MFHAS1: variants seen among roughly 807,000 people sequenced by gnomAD.
MFHAS1 encodes malignant fibrous histiocytoma-amplified sequence 1.
In MFHAS1, 50 loss-of-function variants were observed where a neutral mutation model predicts 70.4. The observed-to-expected ratio is 0.71, with a 90% CI of 0.57 to 0.90. MFHAS1 has a LOEUF of 0.90. Among genes scored for constraint, MFHAS1 ranks in the 40% least tolerant of loss-of-function variants. The probability of loss-of-function intolerance (pLI) is 0.00; values close to 1 mark genes in which losing one functional copy is unlikely to be tolerated. For synonymous variants in MFHAS1, 952 were observed against 620.0 expected, an observed-to-expected ratio of 1.54 and a Z score of -7.96; for missense variants, 1,795 against 1,347.6, an observed-to-expected ratio of 1.33 and a Z score of -5.20.
intron 1 of MFHAS1, among the ~76,000 whole-genome samples, chr8:8,886,014 A>C (rs1809739551): frequency 6.6e-6 from 1 of 152,206 alleles, no homozygotes; most frequent in African/African-American, 2.4e-5. Context: ...TTTCCAAAAG[A>C]ATCTCCTGTC....
Position 8,890,832 on chromosome 8 carries a change from T to A in MFHAS1, c.2227A>T (p.Arg743Trp), listed in dbSNP as rs1809983273. 2 of 1,614,208 alleles carry A rather than the reference T, an allele frequency of 1.2e-6. No individual in the cohort carries two copies. The highest frequency in any genetic ancestry group is 1.7e-6 in the Non-Finnish European group (2 of 1,180,036). ...TTATGCAGCAGCAAAGAGGGATCCCTCTGGAAGAAGACATTGAGGATGTCG... is the reference window on the plus strand; with the variant it reads ...TTATGCAGCAGCAAAGAGGGATCCCACTGGAAGAAGACATTGAGGATGTCG... ...LIDILNVFFQ[R>W]DPSLLLHKLL... The change falls in exon 1 of 3, where the codon AGG (arginine) becomes TGG (tryptophan). Residue 743 changes from arginine (R) to tryptophan (W), a missense_variant. Physicochemically the swap from Arg to Trp is moderately radical, Grantham distance 101. Transcript: ENST00000276282.
chr8:8,862,393 T>TC (rs1320879285), intron 1 of MFHAS1, among the ~76,000 whole-genome samples: 1 of 151,814 alleles, frequency 6.6e-6, no homozygotes, highest in African/African-American at 2.4e-5. Flanking sequence ...AAGAGGTTTT[T>TC]TTTTTTTAAT....
chr8:8,828,829 G>A (rs1402828067), intron 1 of MFHAS1, among the ~76,000 whole-genome samples: 3 of 152,180 alleles, frequency 2.0e-5, no homozygotes, highest in Non-Finnish European at 4.4e-5. Flanking sequence ...GACAGGATTT[G>A]CTGCTTTAGA....
Position 8,892,268 on chromosome 8 carries a change from G to T in MFHAS1, c.791C>A (p.Ala264Asp), listed in dbSNP as rs142715136. Reference protein sequence around the residue: ...SLMLDNNGLQALPAQFSCLQR... With the variant: ...SLMLDNNGLQDLPAQFSCLQR... ...CAGGCAGCTGAACTGGGCGGGCAGAGCCTGCAGCCCGTTGTTGTCTAGCAT... is the reference window on the plus strand; with the variant it reads ...CAGGCAGCTGAACTGGGCGGGCAGATCCTGCAGCCCGTTGTTGTCTAGCAT... The change falls in exon 1 of 3, where the codon GCT (alanine) becomes GAT (aspartate). Residue 264 changes from alanine (A) to aspartate (D), a missense_variant. By Grantham distance (126) the Ala-to-Asp change is moderately radical. Transcript: ENST00000276282. The surrounding 1 kb of genome is among the most constrained non-coding windows in gnomAD (Gnocchi z 4.7). The T allele has an allele frequency of 5.6e-6, 9 of 1,612,346 alleles. No individual in the cohort carries two copies. Among genetic ancestry groups the T allele is most frequent in the Middle Eastern group, 1.6e-4 (1 of 6,062 alleles).
chr8:8,800,317 T>G (rs1400870663), intron 1 of MFHAS1, among the ~76,000 whole-genome samples: 1 of 152,182 alleles, frequency 6.6e-6, no homozygotes, highest in African/African-American at 2.4e-5. Context: ...AAAAATGCAC[T>G]TCAAACACCA....
intron 1 of MFHAS1, among the ~76,000 whole-genome samples, chr8:8,874,142 C>G (rs1057117337): frequency 1.3e-5 from 2 of 151,994 alleles, no homozygotes; most frequent in African/African-American, 4.8e-5. Flanking sequence ...AAGAGTGTTC[C>G]GAGCACAGAG....
chr8:8,865,809 C>T (rs1808833365), intron 1 of MFHAS1, among the ~76,000 whole-genome samples: 1 of 152,214 alleles, frequency 6.6e-6, no homozygotes, highest in Non-Finnish European at 1.5e-5. Context: ...ATTTAATTTT[C>T]ATAGTCCAAA....
intron 1 of MFHAS1, among the ~76,000 whole-genome samples, chr8:8,799,909 CATTTTACAAATGAGG>C: frequency 6.6e-6 from 1 of 152,320 alleles, no homozygotes; most frequent in South Asian, 2.1e-4. Context: ...GGTTTATCCT[CATTTTACAAATGAGG>C]ATGCTAATGC....
intron 1 of MFHAS1, among the ~76,000 whole-genome samples, chr8:8,829,409 C>G (rs1027907956): frequency 6.6e-6 from 1 of 152,206 alleles, no homozygotes; most frequent in African/African-American, 2.4e-5. Flanking sequence ...TGTCCAGCGC[C>G]ATGGCCCATG....
At chr8:8,855,759 G>A (rs183016440) in intron 1 of MFHAS1, among the ~76,000 whole-genome samples, 2 of 152,310 alleles carry the variant, frequency 1.3e-5, no homozygotes, top group Non-Finnish European at 2.9e-5. Flanking sequence ...GGGAGGCTGA[G>A]ACAGGAGAAG....
At chr8:8,817,983 G>A (rs931834659) in intron 1 of MFHAS1, among the ~76,000 whole-genome samples, 3 of 152,054 alleles carry the variant, frequency 2.0e-5, no homozygotes, top group Non-Finnish European at 4.4e-5. Flanking sequence ...TGTGGCCCGG[G>A]GACTGAGGAC....
At chr8:8,864,290 C>A (rs1192233981) in intron 1 of MFHAS1, among the ~76,000 whole-genome samples, 1 of 152,178 alleles carries the variant, frequency 6.6e-6, no homozygotes, top group African/African-American at 2.4e-5. Context: ...TATGCTCAAC[C>A]AAATCTGCTG....
chr8:8,826,214 C>T (rs551016496), intron 1 of MFHAS1, among the ~76,000 whole-genome samples: 5 of 151,854 alleles, frequency 3.3e-5, no homozygotes, highest in East Asian at 3.9e-4. Context: ...ATTTCTCAGG[C>T]GCCTTCCAGA....
At chr8:8,793,988 G>A (rs778696724) in intron 2 of MFHAS1, among the ~76,000 whole-genome samples, 1 of 152,148 alleles carries the variant, frequency 6.6e-6, no homozygotes, top group Non-Finnish European at 1.5e-5. Context: ...AGGAGTTCGA[G>A]ACCAGCCCAG....
intron 2 of MFHAS1, among the ~76,000 whole-genome samples, chr8:8,787,084 TA>T (rs758184196): frequency 0.2 from 21,282 of 105,838 alleles, 1,620 homozygotes; most frequent in African/African-American, 0.24. Flanking sequence ...GTATTATTAT[TA>T]TTTTTTTTTT....
At position 8,785,016 on chromosome 8, in the gene MFHAS1, T is replaced by C. The variant is rs1466776880; in HGVS notation, c.*1006A>G. On this transcript the variant is annotated 3_prime_UTR_variant, in exon 3 of 3. Transcript: ENST00000276282. ...AACCTTAAGATCTGACAGCCAGATG[T>C]GGAAGGTCTACAAAGAGCTCTGCTA... The C allele has an allele frequency of 2.0e-5, 3 of 152,154 alleles. No homozygotes were observed. 9.4% of individuals were successfully genotyped at this position (152,154 alleles called of 1,614,324 possible).
intron 1 of MFHAS1, among the ~76,000 whole-genome samples, chr8:8,879,882 G>A (rs888876523): frequency 1.3e-5 from 2 of 152,110 alleles, no homozygotes; most frequent in African/African-American, 2.4e-5. Context: ...TTGTATCACT[G>A]CCACCATCAC....
chr8:8,858,886 T>C (rs1808554862), intron 1 of MFHAS1, among the ~76,000 whole-genome samples: 1 of 152,200 alleles, frequency 6.6e-6, no homozygotes, highest in Non-Finnish European at 1.5e-5. Flanking sequence ...TAAAGCATTC[T>C]CAGTCAAAAA....
At chr8:8,885,264 C>T (rs1809710364) in intron 1 of MFHAS1, among the ~76,000 whole-genome samples, 1 of 151,900 alleles carries the variant, frequency 6.6e-6, no homozygotes, top group African/African-American at 2.4e-5. Flanking sequence ...AGCCACATAA[C>T]TCATTCTGTC....
Sources: gnomAD v4.1 joint callset for allele counts (sites outside exome capture counted in the v4.1 genomes callset) on GRCh38, gnomAD v4.1.1 for gene constraint, Gnocchi (gnomAD v3.1) non-coding constraint, MANE v1.5 for transcripts, NCBI Gene and HGNC (gene_info 2026-07-23, HGNC 2026-07-21) for gene names.